Variants in MED12L observed in about 807,000 individuals in gnomAD.
MED12L encodes mediator complex subunit 12L, also known as mediator of RNA polymerase II transcription subunit 12-like protein.
MED12L carries 60 observed loss-of-function variants against 281.3 expected under a neutral mutation model. The ratio of observed to expected loss-of-function variants is 0.21; its 90% CI spans 0.17 to 0.26. The LOEUF (loss-of-function observed/expected upper bound fraction) is 0.26, where lower values mean the gene tolerates loss of function less well. Ranked by LOEUF, MED12L falls within the 10% of genes least tolerant of loss-of-function variation. The pLI is 1.00. For synonymous variants in MED12L, 974 were observed against 987.2 expected (o/e 0.99, Z 0.25); for missense variants, 2,146 against 2,680.9 (o/e 0.80, Z 4.41).
intron 36 of MED12L, among the ~76,000 whole-genome samples, chr3:151,387,560 T>C (rs1201001711): frequency 2.0e-5 from 3 of 152,178 alleles, no homozygotes; most frequent in Admixed American, 1.3e-4. Context: ...CAATAAAATA[T>C]GCTAGACTGC....
chr3:151,229,256 T>C (rs370054129), intron 16 of MED12L, among the ~76,000 whole-genome samples: 1 of 152,148 alleles, frequency 6.6e-6, no homozygotes, highest in African/African-American at 2.4e-5. Context: ...AGAGGGTTCT[T>C]TGATTTTAAT....
rs1038147535 is a variant in MED12L at position 151,327,742 on chromosome 3, A to G, written c.2251-22317A>G. 21 of 323,218 alleles carry G rather than the reference A, an allele frequency of 6.5e-5. No homozygotes were observed. The Middle Eastern group carries it at 2.6e-3, about 40-fold the overall frequency. 20.0% of individuals were successfully genotyped at this position (323,218 alleles called of 1,614,324 possible). ...TGAAATGCTCTTGAAATTAAAAAAA[A>G]AAAAAAAGAAAGAAAGAAATAATGA... On this transcript the variant is annotated intron_variant, in intron 16 of 44. Transcript: ENST00000687756.
At chr3:151,378,266 G>A in intron 31 of MED12L, 93 bp downstream of exon 31, 1 of 1,255,964 alleles carries the variant, frequency 8.0e-7, no homozygotes, top group South Asian at 2.1e-5. Flanking sequence ...TGTACCCACA[G>A]TCCACTGAAA....
chr3:151,112,473 G>C (rs563657356), intron 2 of MED12L, among the ~76,000 whole-genome samples: 1 of 152,120 alleles, frequency 6.6e-6, no homozygotes, highest in African/African-American at 2.4e-5. Flanking sequence ...TTGTGACTCT[G>C]GGGGAGGAGT....
At chr3:151,344,094 A>T (rs1752243683) in intron 16 of MED12L, among the ~76,000 whole-genome samples, 1 of 152,080 alleles carries the variant, frequency 6.6e-6, no homozygotes, top group Non-Finnish European at 1.5e-5. Flanking sequence ...ATATTTCGCA[A>T]AAATGAATGC....
At chr3:151,201,464 G>C (rs1345578835) in intron 16 of MED12L, among the ~76,000 whole-genome samples, 1 of 152,150 alleles carries the variant, frequency 6.6e-6, no homozygotes, top group Admixed American at 6.6e-5. Context: ...TTTAAGGATG[G>C]ATGGAAACTT....
At chr3:151,299,028 G>A (rs1041734738) in intron 16 of MED12L, among the ~76,000 whole-genome samples, 1 of 152,088 alleles carries the variant, frequency 6.6e-6, no homozygotes, top group Non-Finnish European at 1.5e-5. Flanking sequence ...TAAATGCTTT[G>A]CAAACATTTT....
chr3:151,323,491 C>T (rs1400566849), intron 16 of MED12L, among the ~76,000 whole-genome samples: 4 of 152,218 alleles, frequency 2.6e-5, no homozygotes, highest in African/African-American at 9.6e-5. Context: ...CTCAGGCCCC[C>T]TGCAACCCTC....
intron 16 of MED12L, among the ~76,000 whole-genome samples, chr3:151,313,883 G>A (rs964755862): frequency 4.7e-5 from 7 of 149,586 alleles, no homozygotes; most frequent in East Asian, 2.0e-4. Flanking sequence ...AAGATCACGC[G>A]ACTGCACTCC....
At chr3:151,237,350 CTTTTTTTT>C (rs57239604) in intron 16 of MED12L, among the ~76,000 whole-genome samples, 1 of 94,602 alleles carries the variant, frequency 1.1e-5, no homozygotes, top group Admixed American at 1.6e-4. Flanking sequence ...TTTTTTTTTT[CTTTTTTTT>C]TTTTTTTTGA....
intron 16 of MED12L, among the ~76,000 whole-genome samples, chr3:151,301,607 A>G (rs957013928): frequency 2.6e-5 from 4 of 152,246 alleles, no homozygotes; most frequent in South Asian, 2.1e-4. Context: ...AAAAAAGGTC[A>G]AAAGATTTGT....
chr3:151,402,525 G>A (rs1054153381), intron 39 of MED12L, among the ~76,000 whole-genome samples: 1 of 152,128 alleles, frequency 6.6e-6, no homozygotes, highest in African/African-American at 2.4e-5. Flanking sequence ...TTAATGTCTT[G>A]TCTGCTTAAT....
intron 21 of MED12L, among the ~76,000 whole-genome samples, chr3:151,360,875 A>G (rs1364485831): frequency 1.3e-5 from 2 of 152,140 alleles, no homozygotes; most frequent in East Asian, 3.8e-4. Context: ...TATTTCTTCA[A>G]TAAATAAAGT....
intron 16 of MED12L, among the ~76,000 whole-genome samples, chr3:151,319,105 T>C (rs1415818948): frequency 6.6e-6 from 1 of 152,180 alleles, no homozygotes; most frequent in Non-Finnish European, 1.5e-5. Context: ...AAGTATATTA[T>C]GCCAGTCTCA....
intron 16 of MED12L, among the ~76,000 whole-genome samples, chr3:151,312,578 G>A (rs1747694888): frequency 1.3e-5 from 2 of 152,118 alleles, no homozygotes; most frequent in Admixed American, 6.5e-5. Flanking sequence ...TGGTGGTCAA[G>A]AGACAGTAAT....
intron 16 of MED12L, among the ~76,000 whole-genome samples, chr3:151,247,450 A>T (rs530450010): frequency 1.0e-3 from 154 of 152,094 alleles, no homozygotes; most frequent in African/African-American, 3.3e-3. Flanking sequence ...TGATGAGTTC[A>T]TGTCCTTTGT....
At chr3:151,234,277 C>G (rs530180303) in intron 16 of MED12L, among the ~76,000 whole-genome samples, 1 of 152,208 alleles carries the variant, frequency 6.6e-6, no homozygotes, top group South Asian at 2.1e-4. Context: ...TAGTAACTTT[C>G]AAAGCTTCAA....
chr3:151,185,628 AT>A (rs2149074578), intron 12 of MED12L, among the ~76,000 whole-genome samples, 167 bp downstream of exon 12: 1 of 152,328 alleles, frequency 6.6e-6, no homozygotes, highest in Non-Finnish European at 1.5e-5. Context: ...ATCTCTCTAA[AT>A]TGATGCAGCC....
chr3:151,251,682 T>C (rs1175454255), intron 16 of MED12L, among the ~76,000 whole-genome samples: 2 of 152,228 alleles, frequency 1.3e-5, no homozygotes, highest in East Asian at 1.9e-4. Flanking sequence ...GTTTGAACTC[T>C]CTGTGAATAT....
Sources: allele counts gnomAD v4.1 joint callset (sites outside exome capture counted in the v4.1 genomes callset), GRCh38; gene constraint gnomAD v4.1.1; transcripts MANE v1.5; gene names NCBI Gene and HGNC (gene_info 2026-07-23, HGNC 2026-07-21).